The following TRRAP variants were observed in gnomAD, a reference collection of about 807,000 sequenced individuals.
TRRAP encodes transformation/transcription domain associated protein.
A neutral mutation model predicts 438.8 loss-of-function variants in TRRAP; 41 were observed. The observed-to-expected ratio is 0.09, with a 90% CI of 0.07 to 0.12. The LOEUF (loss-of-function observed/expected upper bound fraction) is 0.12, where lower values mean the gene tolerates loss of function less well. TRRAP is among the 10% of genes least tolerant of loss of function. The pLI, the probability that TRRAP is intolerant of heterozygous loss-of-function variation, is 1.00. For missense variants in TRRAP, 3,122 were observed against 5,055.1 expected (o/e 0.62, Z 11.60); for synonymous variants, 1,994 against 1,962.9 (o/e 1.02, Z -0.42).
intron 23 of TRRAP, 127 bp downstream of exon 23, chr7:98,927,493 A>G: frequency 8.4e-7 from 1 of 1,197,574 alleles, no homozygotes; most frequent in Middle Eastern, 2.9e-4. Flanking sequence ...TTCGGCTTTT[A>G]TTTTCCAATT....
intron 11 of TRRAP, among the ~76,000 whole-genome samples, chr7:98,902,042 T>A (rs917686169): frequency 3.3e-5 from 5 of 152,276 alleles, no homozygotes; most frequent in Non-Finnish European, 7.3e-5. Flanking sequence ...ACGATTGTAC[T>A]TTCTGTCTTT....
intron 50 of TRRAP, 117 bp from the exon 51 acceptor site, chr7:98,967,368 C>A: frequency 7.5e-7 from 1 of 1,327,612 alleles, no homozygotes; most frequent in Non-Finnish European, 1.0e-6. Flanking sequence ...TTATAACATA[C>A]TCTTGGTTTT....
At chr7:98,985,441 T>G (rs544585024) in intron 62 of TRRAP, among the ~76,000 whole-genome samples, 1 of 152,210 alleles carries the variant, frequency 6.6e-6, no homozygotes, top group Non-Finnish European at 1.5e-5. Context: ...GTCAGTGAAG[T>G]GATATTGGAA....
At chr7:98,921,257 TAA>T (rs2116464983) in intron 20 of TRRAP, among the ~76,000 whole-genome samples, 1 of 152,316 alleles carries the variant, frequency 6.6e-6, no homozygotes, top group East Asian at 1.9e-4. Context: ...TATAAAGACA[TAA>T]AACTTCCTTG....
chr7:99,009,030 C>T (rs958763208), intron 70 of TRRAP, among the ~76,000 whole-genome samples: 1 of 152,144 alleles, frequency 6.6e-6, no homozygotes, highest in African/African-American at 2.4e-5. Context: ...AAGCGACAGA[C>T]TCTGGAGTGC....
intron 51 of TRRAP, among the ~76,000 whole-genome samples, chr7:98,968,054 T>C (rs1267868644): frequency 3.3e-5 from 5 of 151,980 alleles, no homozygotes; most frequent in Non-Finnish European, 7.4e-5. Flanking sequence ...AGTCCTGCTC[T>C]GTTGCCCAGG....
chr7:98,934,587 C>G (rs144612428), intron 27 of TRRAP, among the ~76,000 whole-genome samples: 37 of 152,290 alleles, frequency 2.4e-4, no homozygotes, highest in African/African-American at 7.7e-4. Flanking sequence ...CAGTGCCTGG[C>G]TGCATCAGAA....
chr7:99,011,018 T>A lies in TRRAP; in HGVS notation c.10939-34T>A. The stretch of plus-strand genomic sequence containing the variant: ...TTCTTTTCCAAAAAAAATCAGTGAG[T>A]GAGATGGGAGTGTCACGGAGCGCTG... On this transcript the variant is annotated intron_variant, in intron 70 of 72. Transcript: ENST00000456197. This position sits in a 1 kb window ranked among gnomAD's most constrained non-coding sequence, Gnocchi z 7.1. 1 of 1,577,212 alleles carries A rather than the reference T, an allele frequency of 6.3e-7. No individual in the cohort carries two copies. Among genetic ancestry groups the A allele is most frequent in the Non-Finnish European group, 8.7e-7 (1 of 1,152,956 alleles).
At chr7:98,988,996 A>T in intron 63 of TRRAP, 30 bp downstream of exon 63, 1 of 1,597,572 alleles carries the variant, frequency 6.3e-7, no homozygotes, top group Non-Finnish European at 8.5e-7. Context: ...CTTTGACCAG[A>T]GGCCATCTGT....
rs530154824 is a variant in TRRAP, at chr7:99,013,131, G to T, written c.*776G>T. On this transcript the variant is annotated 3_prime_UTR_variant, in exon 73 of 73. Transcript: ENST00000456197. ...ACAAAACAGAAATGTACGTTCCTTC[G>T]CTAGCTTTAGTCTTTCTGTTCCCAT... 1.1e-4 allele frequency: 16 copies of T among 151,980 alleles called. No homozygotes were observed. Among genetic ancestry groups the T allele is most frequent in the Admixed American group, 1.0e-3 (16 of 15,270 alleles). 9.4% of individuals were successfully genotyped at this position (151,980 alleles called of 1,614,324 possible).
intron 25 of TRRAP, 81 bp downstream of exon 25, chr7:98,930,911 C>A: frequency 6.5e-7 from 1 of 1,527,706 alleles, no homozygotes; most frequent in African/African-American, 1.4e-5. Context: ...GATCCTTCTG[C>A]AAATATGCTC....
At position 98,965,715 on chromosome 7, in the gene TRRAP, G is replaced by T; in HGVS notation, c.6996G>T (p.Met2332Ile). ...EATSGTSELV[M>I]LSLELVKTRL... ...GAGCAGGTACAAGCGAGCTGGTGAT[G>T]CTGAGTCTGGAGCTGGTGAAGACGC... The change falls in exon 49 of 73, where the codon ATG becomes ATT. Residue 2332 changes from methionine (M) to isoleucine (I), a missense_variant. By Grantham distance (10) the Met-to-Ile change is conservative. This residue lies in a region of TRRAP where 992 missense variants were observed against 1,281.2 expected (regional missense o/e 0.77). Coordinates refer to ENST00000456197, the MANE Select transcript of TRRAP (RefSeq NM_001375524.1). 19 of 1,614,130 alleles carry T rather than the reference G, an allele frequency of 1.2e-5. No individual in the cohort carries two copies. Among genetic ancestry groups the T allele is most frequent in the Non-Finnish European group, 1.6e-5 (19 of 1,180,034 alleles).
chr7:98,885,369 G>A (rs1795650216), intron 3 of TRRAP, among the ~76,000 whole-genome samples: 1 of 151,862 alleles, frequency 6.6e-6, no homozygotes, highest in African/African-American at 2.4e-5. Context: ...GGTGTAACCC[G>A]CTGTGCCCAG....
chr7:98,942,862 C>T (rs1010559418), intron 30 of TRRAP, 87 bp from the exon 31 acceptor site: 4 of 1,439,138 alleles, frequency 2.8e-6, no homozygotes, highest in Admixed American at 1.8e-5. Flanking sequence ...ACACTAAACA[C>T]GATGGAAATG....
intron 56 of TRRAP, among the ~76,000 whole-genome samples, chr7:98,977,368 G>A (rs1792709119): frequency 6.6e-6 from 1 of 152,128 alleles, no homozygotes; most frequent in South Asian, 2.1e-4. Flanking sequence ...TGCCATGTTG[G>A]CCGTGCTGGT....
intron 21 of TRRAP, among the ~76,000 whole-genome samples, chr7:98,924,704 AAAG>A (rs1182177334): frequency 2.7e-5 from 4 of 147,840 alleles, no homozygotes; most frequent in African/African-American, 7.5e-5. Flanking sequence ...AAAAAAAAAA[AAAG>A]GTTCTTCTGG....
chr7:98,892,794 C>T (rs1554405136), intron 5 of TRRAP, among the ~76,000 whole-genome samples: 2 of 152,198 alleles, frequency 1.3e-5, no homozygotes, highest in African/African-American at 4.8e-5. Flanking sequence ...GAGCCGGGTG[C>T]GGGCCCGCAG....
At chr7:98,897,894 C>A in intron 8 of TRRAP, 28 bp downstream of exon 8, 1 of 1,612,460 alleles carries the variant, frequency 6.2e-7, no homozygotes, top group Non-Finnish European at 8.5e-7. Flanking sequence ...TTATTTCTAC[C>A]CGTGGCTCCT....
At chr7:98,923,970 A>G (rs1397356512) in intron 21 of TRRAP, among the ~76,000 whole-genome samples, 3 of 152,222 alleles carry the variant, frequency 2.0e-5, no homozygotes, top group African/African-American at 4.8e-5. Context: ...GCATGTAGCT[A>G]TGTAGGCTTT....
Sources: gnomAD v4.1 joint callset for allele counts (sites outside exome capture counted in the v4.1 genomes callset) on GRCh38, gnomAD v4.1.1 for gene constraint, gnomAD v4.1.1 regional missense constraint, Gnocchi (gnomAD v3.1) non-coding constraint, MANE v1.5 for transcripts, NCBI Gene and HGNC (gene_info 2026-07-23, HGNC 2026-07-21) for gene names.